The following HMGN5 variants were observed in gnomAD, a reference collection of about 807,000 sequenced individuals.
The protein encoded by HMGN5 is high mobility group nucleosome-binding domain-containing protein 5.
A neutral mutation model predicts 9.5 loss-of-function variants in HMGN5; 4 were observed. That is an observed-to-expected ratio of 0.42 (90% CI 0.21 to 0.96). The LOEUF is 0.96. HMGN5 is among the 40% of genes least tolerant of loss of function. The probability of loss-of-function intolerance (pLI) is 0.30; values close to 1 mark genes in which losing one functional copy is unlikely to be tolerated. For synonymous variants in HMGN5, 55 were observed against 57.1 expected, an observed-to-expected ratio of 0.96 and a Z score of 0.16; for missense variants, 192 against 187.5, an observed-to-expected ratio of 1.02 and a Z score of -0.14.
At chrX:81,122,900 C>G (rs955454553) in intron 1 of HMGN5, among the ~76,000 whole-genome samples, 3 of 110,933 alleles carry the variant, frequency 2.7e-5, no homozygotes, top group African/African-American at 9.9e-5. Flanking sequence ...AATTCCCCAC[C>G]GCCCTTTCTC....
At chrX:81,154,864 C>A (rs2075378417) in intron 1 of HMGN5, among the ~76,000 whole-genome samples, 1 of 108,462 alleles carries the variant, frequency 9.2e-6, no homozygotes, top group Admixed American at 1.0e-4. Context: ...AAAACAACAG[C>A]AAATAACAAA....
chrX:81,151,802 T>A, intron 1 of HMGN5, among the ~76,000 whole-genome samples: 1 of 110,834 alleles, frequency 9.0e-6, no homozygotes, highest in East Asian at 2.8e-4. Context: ...TGATTTTATA[T>A]CCTGAGACTT....
At chrX:81,132,556 T>A (rs1238240801) in intron 1 of HMGN5, among the ~76,000 whole-genome samples, 4 of 111,284 alleles carry the variant, frequency 3.6e-5, no homozygotes, top group African/African-American at 1.3e-4. Flanking sequence ...ACTAAAAATA[T>A]CTGATCTTTG....
intron 1 of HMGN5, among the ~76,000 whole-genome samples, chrX:81,183,121 A>C (rs2075467471): frequency 8.9e-6 from 1 of 112,015 alleles, no homozygotes; most frequent in African/African-American, 3.2e-5. Context: ...AAATGAACTG[A>C]AACTGGAACT....
At chrX:81,172,604 T>A (rs1288311064) in intron 1 of HMGN5, among the ~76,000 whole-genome samples, 2 of 109,031 alleles carry the variant, frequency 1.8e-5, no homozygotes, top group African/African-American at 3.3e-5. Context: ...AATTTTTGTA[T>A]AATTGAGTGA....
At position 81,115,077 on chromosome X, in the gene HMGN5, T is replaced by C; in HGVS notation, c.421A>G (p.Lys141Glu). ...KEDEEDQNEE[K>E]GEAGKEDKDE... ...TTGTCTTCTTTTCCAGCTTCCCCTT[T>C]CTCTTCGTTTTGATCTTCTTCATCT... is the stretch of plus-strand genomic sequence containing the variant. Residue 141 changes from lysine (K) to glutamate (E), a missense_variant, in exon 7 of 7, where the codon AAA becomes GAA. Lys to Glu is a moderately conservative substitution (Grantham distance 56, BLOSUM62 1). Coordinates refer to ENST00000358130, the MANE Select transcript of HMGN5 (RefSeq NM_030763.3). The C allele has an allele frequency of 8.6e-7, 1 of 1,160,435 alleles. No individual in the cohort carries two copies. Among genetic ancestry groups the C allele is most frequent in the Non-Finnish European group, 1.1e-6 (1 of 870,665 alleles).
At chrX:81,160,335 T>TTTTTTC (rs1351277811) in intron 1 of HMGN5, among the ~76,000 whole-genome samples, 87 of 111,946 alleles carry the variant, frequency 7.8e-4, no homozygotes, top group African/African-American at 2.6e-3. Context: ...TGCAGACTTC[T>TTTTTTC]TTTTTCTTTT....
At chrX:81,130,045 G>A (rs1255150553) in intron 1 of HMGN5, among the ~76,000 whole-genome samples, 1 of 111,519 alleles carries the variant, frequency 9.0e-6, no homozygotes, top group East Asian at 2.8e-4. Flanking sequence ...CTTGCCACCA[G>A]GAAAGTATGA....
chrX:81,153,125 C>T (rs1395870828), intron 1 of HMGN5, among the ~76,000 whole-genome samples: 1 of 106,497 alleles, frequency 9.4e-6, no homozygotes, highest in Non-Finnish European at 1.9e-5. Flanking sequence ...TGCACATGTA[C>T]CCTAAAACTT....
chrX:81,193,599 T>G (rs2075499880), intron 1 of HMGN5, among the ~76,000 whole-genome samples: 3 of 111,470 alleles, frequency 2.7e-5, no homozygotes, highest in African/African-American at 9.8e-5. Flanking sequence ...AAGGAATGAG[T>G]GTTCTGGAGG....
intron 1 of HMGN5, among the ~76,000 whole-genome samples, 194 bp from the exon 2 acceptor site, chrX:81,121,866 C>T (rs963116372): frequency 2.7e-5 from 3 of 112,715 alleles, no homozygotes; most frequent in African/African-American, 9.7e-5. Context: ...CGGCTCTAAC[C>T]GCTGGTGTAG....
At chrX:81,152,209 G>C (rs945083592) in intron 1 of HMGN5, among the ~76,000 whole-genome samples, 5 of 111,446 alleles carry the variant, frequency 4.5e-5, no homozygotes, top group African/African-American at 1.3e-4. Context: ...GGACAGGCAA[G>C]CTACAAAATG....
In HMGN5 at chrX:81,142,249, T is replaced by C. The variant is rs767817314; in HGVS notation, c.-123-20577A>G. On this transcript the variant is annotated intron_variant, in intron 1 of 6. Transcript: ENST00000358130. ...CCCAAAAGGGCAAATCTGAGAGTTA[T>C]TGACTTTAAGGAGGAGGCAGAGAAA... Among the ~76,000 whole-genome samples, 87 of 111,662 alleles carry C rather than the reference T, an allele frequency of 7.8e-4. 1 individual carries two copies. The highest frequency in any genetic ancestry group is 2.7e-3 in the African/African-American group (84 of 30,758).
At chrX:81,168,714 C>T (rs1004224145) in intron 1 of HMGN5, among the ~76,000 whole-genome samples, 3 of 111,613 alleles carry the variant, frequency 2.7e-5, no homozygotes, top group African/African-American at 9.8e-5. Flanking sequence ...AAGTTTGTGG[C>T]CACAGCCTGT....
At chrX:81,167,780 T>A (rs751591358) in intron 1 of HMGN5, among the ~76,000 whole-genome samples, 16 of 112,223 alleles carry the variant, frequency 1.4e-4, no homozygotes, top group Admixed American at 4.7e-4. Flanking sequence ...ATGCATCTTA[T>A]TTTTCTCAGA....
Position 81,138,212 on chromosome X carries a change from A to T in HMGN5, c.-123-16540T>A, listed in dbSNP as rs1383921433. Among the ~76,000 whole-genome samples, 3 of 112,028 alleles carry T rather than the reference A, an allele frequency of 2.7e-5. No homozygotes were observed. The Admixed American group carries it at 2.8e-4, about 11-fold the overall frequency. On this transcript the variant is annotated intron_variant, in intron 1 of 6. Coordinates refer to ENST00000358130, the MANE Select transcript of HMGN5 (RefSeq NM_030763.3). ...GAAATTTTTGATAAAACTTTGGCAA[A>T]CCTAATCCAACAATGTATAAAAGAA...
chrX:81,185,401 C>T (rs2147647284), intron 1 of HMGN5, among the ~76,000 whole-genome samples: 1 of 111,066 alleles, frequency 9.0e-6, no homozygotes, highest in East Asian at 2.8e-4. Flanking sequence ...ACTTTCTTGA[C>T]TTATTTTTCA....
chrX:81,195,413 C>T (rs1387719245), intron 1 of HMGN5: 1 of 111,167 alleles, frequency 9.0e-6, no homozygotes, highest in East Asian at 2.8e-4. Flanking sequence ...CCCAGCCAGA[C>T]TGAGGGTGGG....
chrX:81,132,098 A>T (rs901808459), intron 1 of HMGN5, among the ~76,000 whole-genome samples: 1 of 111,200 alleles, frequency 9.0e-6, no homozygotes, highest in Non-Finnish European at 1.9e-5. Context: ...GTCATGAATA[A>T]ACTTTCATTT....
Sources: allele counts gnomAD v4.1 joint callset (sites outside exome capture counted in the v4.1 genomes callset), GRCh38; gene constraint gnomAD v4.1.1; transcripts MANE v1.5; gene names NCBI Gene and HGNC (gene_info 2026-07-23, HGNC 2026-07-21).